The following ELAPOR2 variants were observed in gnomAD, a reference collection of about 807,000 sequenced individuals.
ELAPOR2 encodes the protein endosome/lysosome-associated apoptosis and autophagy regulator family member 2.
In ELAPOR2, 89 loss-of-function variants were observed where a neutral mutation model predicts 120.7. That is an observed-to-expected ratio of 0.74 (90% CI 0.62 to 0.88). The LOEUF is 0.88. Ranked by LOEUF, ELAPOR2 falls within the 40% of genes least tolerant of loss-of-function variation. ELAPOR2 has a pLI of 0.00. For missense variants in ELAPOR2, 1,134 were observed against 1,251.6 expected (o/e 0.91, Z 1.42); for synonymous variants, 444 against 444.9 (o/e 1.00, Z 0.03).
At chr7:87,013,221 C>T (rs1793752924) in intron 1 of ELAPOR2, among the ~76,000 whole-genome samples, 1 of 151,954 alleles carries the variant, frequency 6.6e-6, no homozygotes, top group African/African-American at 2.4e-5. Context: ...AGATATTAAC[C>T]CAAGCTTGCT....
intron 1 of ELAPOR2, among the ~76,000 whole-genome samples, chr7:86,983,761 G>A (rs1047461589): frequency 2.6e-5 from 4 of 152,164 alleles, no homozygotes; most frequent in Non-Finnish European, 5.9e-5. Flanking sequence ...ATCGATGCTA[G>A]GAAGAAACTG....
intron 18 of ELAPOR2, among the ~76,000 whole-genome samples, chr7:86,903,521 C>G (rs911424110): frequency 6.6e-6 from 1 of 152,130 alleles, no homozygotes; most frequent in Non-Finnish European, 1.5e-5. Context: ...AAAATGGATA[C>G]ATATTTTGGT....
At chr7:86,973,895 T>C (rs1792187032) in intron 1 of ELAPOR2, among the ~76,000 whole-genome samples, 1 of 152,108 alleles carries the variant, frequency 6.6e-6, no homozygotes, top group African/African-American at 2.4e-5. Context: ...AGTATTGGTT[T>C]CTATTATATG....
intron 1 of ELAPOR2, among the ~76,000 whole-genome samples, chr7:86,974,060 A>G (rs1333216104): frequency 6.6e-6 from 1 of 152,034 alleles, no homozygotes; most frequent in Non-Finnish European, 1.5e-5. Flanking sequence ...TTTTAATTCC[A>G]AACCCAAATT....
intron 1 of ELAPOR2, among the ~76,000 whole-genome samples, chr7:87,000,312 C>T (rs969784032): frequency 6.6e-6 from 1 of 152,098 alleles, no homozygotes; most frequent in Non-Finnish European, 1.5e-5. Flanking sequence ...TGCTCTCAAA[C>T]CATAGACTGA....
At chr7:86,931,398 A>T (rs1790319409) in intron 8 of ELAPOR2, among the ~76,000 whole-genome samples, 1 of 151,904 alleles carries the variant, frequency 6.6e-6, no homozygotes, top group Non-Finnish European at 1.5e-5. Flanking sequence ...TCTCTGTAAG[A>T]CAAGTAGAAA....
intron 1 of ELAPOR2, among the ~76,000 whole-genome samples, chr7:87,051,631 C>A (rs1478555805): frequency 1.3e-5 from 2 of 152,184 alleles, no homozygotes; most frequent in Non-Finnish European, 2.9e-5. Flanking sequence ...TGTTGAAGGT[C>A]ACATAAACCA....
intron 1 of ELAPOR2, among the ~76,000 whole-genome samples, chr7:87,040,518 C>A (rs1471761103): frequency 6.6e-6 from 1 of 152,204 alleles, no homozygotes; most frequent in Admixed American, 6.5e-5. Flanking sequence ...ACACCTCACA[C>A]TGCAGGGTAT....
chr7:87,049,532 T>C (rs1795045290), intron 1 of ELAPOR2, among the ~76,000 whole-genome samples: 1 of 152,156 alleles, frequency 6.6e-6, no homozygotes, highest in Non-Finnish European at 1.5e-5. Flanking sequence ...TCCGCCAGCC[T>C]CGGCCTCCCA....
chr7:87,028,075 G>C (rs1794301734), intron 1 of ELAPOR2, among the ~76,000 whole-genome samples: 1 of 152,062 alleles, frequency 6.6e-6, no homozygotes, highest in East Asian at 1.9e-4. Flanking sequence ...AGTATACTTT[G>C]TTCAGCATTA....
intron 16 of ELAPOR2, among the ~76,000 whole-genome samples, 159 bp from the exon 17 acceptor site, chr7:86,908,702 T>C (rs1584335501): frequency 1.3e-5 from 2 of 152,232 alleles, no homozygotes; most frequent in Middle Eastern, 6.8e-3. Flanking sequence ...AACAAGAAAT[T>C]TTCCAAAGTC....
At chr7:87,022,803 T>G (rs1339051227) in intron 1 of ELAPOR2, among the ~76,000 whole-genome samples, 1 of 151,632 alleles carries the variant, frequency 6.6e-6, no homozygotes, top group East Asian at 1.9e-4. Context: ...TCATTGTGGT[T>G]TTGATTTGCA....
chr7:86,984,830 A>G (rs548900979), intron 1 of ELAPOR2, among the ~76,000 whole-genome samples: 2 of 152,240 alleles, frequency 1.3e-5, no homozygotes, highest in Admixed American at 6.5e-5. Context: ...AGAAATAACT[A>G]AGATCAGAGC....
Position 87,001,753 on chromosome 7 carries a change from T to C in ELAPOR2, c.190-36729A>G, listed in dbSNP as rs540563236. Among the ~76,000 whole-genome samples the C allele has an allele frequency of 2.0e-5, 3 of 152,234 alleles. No individual in the cohort carries two copies. The South Asian group carries it at 6.2e-4, about 32-fold the overall frequency. On this transcript the variant is annotated intron_variant, in intron 1 of 21. Transcript: ENST00000450689. ...CTCAATTCAAGTTCACCCAGATGCC[T>C]CTACAGAGAACAGCAGAGGATCATA... is the stretch of plus-strand genomic sequence containing the variant.
At chr7:86,927,391 T>G (rs1473796080) in intron 8 of ELAPOR2, among the ~76,000 whole-genome samples, 1 of 151,956 alleles carries the variant, frequency 6.6e-6, no homozygotes, top group Admixed American at 6.6e-5. Context: ...GATTCACATT[T>G]CAATCCTGCT....
At chr7:86,885,788 T>C (rs1799660030) in intron 21 of ELAPOR2, among the ~76,000 whole-genome samples, 1 of 152,168 alleles carries the variant, frequency 6.6e-6, no homozygotes, top group Admixed American at 6.5e-5. Flanking sequence ...AGGGATTCTA[T>C]GTGTCCATTC....
At chr7:86,880,870 C>T (rs1034850535) in intron 21 of ELAPOR2, among the ~76,000 whole-genome samples, 2 of 151,550 alleles carry the variant, frequency 1.3e-5, no homozygotes, top group Admixed American at 1.3e-4. Context: ...AATCAATGAC[C>T]TAGCCATGCT....
intron 21 of ELAPOR2, among the ~76,000 whole-genome samples, chr7:86,883,146 C>A (rs894802252): frequency 6.6e-6 from 1 of 151,546 alleles, no homozygotes; most frequent in African/African-American, 2.4e-5. Flanking sequence ...CCAAATTTGG[C>A]AAAGTGTCTT....
At chr7:86,938,000 T>C in intron 8 of ELAPOR2, 126 bp downstream of exon 8, 1 of 688,080 alleles carries the variant, frequency 1.5e-6, no homozygotes, top group Non-Finnish European at 2.4e-6. Context: ...CCCTAAACTC[T>C]AAAATTTCCT....
Sources: allele counts gnomAD v4.1 joint callset (sites outside exome capture counted in the v4.1 genomes callset), GRCh38; gene constraint gnomAD v4.1.1; transcripts MANE v1.5; gene names NCBI Gene and HGNC (gene_info 2026-07-23, HGNC 2026-07-21).